PTPRD: variants seen among roughly 807,000 people sequenced by gnomAD.
PTPRD encodes the protein receptor-type tyrosine-protein phosphatase delta.
PTPRD carries 34 observed loss-of-function variants against 214.5 expected under a neutral mutation model. That is an observed-to-expected ratio of 0.16 (90% confidence interval 0.12 to 0.21). The LOEUF (loss-of-function observed/expected upper bound fraction) is 0.21. Ranked by LOEUF, PTPRD falls within the 10% of genes least tolerant of loss-of-function variation. The pLI, the probability that PTPRD is intolerant of heterozygous loss-of-function variation, is 1.00. For synonymous variants in PTPRD, 1,128 were observed against 845.7 expected, an observed-to-expected ratio of 1.33 and a Z score of -5.79; for missense variants, 2,545 against 2,398.7, an observed-to-expected ratio of 1.06 and a Z score of -1.27.
chr9:10,511,569 A>ATTTT (rs66768632), intron 2 of PTPRD, among the ~76,000 whole-genome samples: 3 of 127,858 alleles, frequency 2.3e-5, no homozygotes, highest in African/African-American at 6.2e-5. Context: ...ACACCCTGGT[A>ATTTT]TTTTTTTTTT....
intron 8 of PTPRD, among the ~76,000 whole-genome samples, chr9:9,461,813 A>G (rs79065901): frequency 0.017 from 2,542 of 152,224 alleles, 57 homozygotes; most frequent in African/African-American, 0.057. Context: ...TGCAGAGAAT[A>G]GAATCTATGA....
At chr9:9,507,440 T>C (rs751298290) in intron 8 of PTPRD, among the ~76,000 whole-genome samples, 3 of 150,966 alleles carry the variant, frequency 2.0e-5, no homozygotes, top group Non-Finnish European at 3.0e-5. Context: ...AATATAATGG[T>C]TTTCTTAGAG....
chr9:10,013,084 T>TTAATTTGTG (rs1392817861), intron 4 of PTPRD, among the ~76,000 whole-genome samples: 1 of 151,946 alleles, frequency 6.6e-6, no homozygotes, highest in Non-Finnish European at 1.5e-5. Context: ...TGAACTTCAA[T>TTAATTTGTG]TACACAAATT....
chr9:8,460,601 T>A, intron 32 of PTPRD, 30 bp from the exon 33 acceptor site: 1 of 1,594,028 alleles, frequency 6.3e-7, no homozygotes. Flanking sequence ...ATTTCAGTTA[T>A]AAAATAATGA....
intron 8 of PTPRD, among the ~76,000 whole-genome samples, chr9:9,469,339 C>T (rs980176195): frequency 1.8e-4 from 27 of 152,138 alleles, no homozygotes; most frequent in African/African-American, 6.3e-4. Flanking sequence ...AAACTGTTGT[C>T]TTCTAGGAGC....
At chr9:9,260,519 T>C (rs1036642567) in intron 9 of PTPRD, among the ~76,000 whole-genome samples, 24 of 151,888 alleles carry the variant, frequency 1.6e-4, no homozygotes, top group Non-Finnish European at 1.0e-4. Flanking sequence ...AGGCTAGTTT[T>C]TCTCTCCTCC....
At chr9:9,852,046 T>C (rs774944308) in intron 5 of PTPRD, among the ~76,000 whole-genome samples, 4 of 152,174 alleles carry the variant, frequency 2.6e-5, no homozygotes, top group Admixed American at 2.0e-4. Context: ...TATATAACTC[T>C]TCTCATCTGC....
intron 39 of PTPRD, among the ~76,000 whole-genome samples, chr9:8,359,057 G>C (rs1304828590): frequency 8.0e-6 from 1 of 125,724 alleles, no homozygotes; most frequent in African/African-American, 3.0e-5. Context: ...GCAGTGAGCC[G>C]AGATTGCACC....
At chr9:9,854,650 T>G (rs2061202295) in intron 5 of PTPRD, among the ~76,000 whole-genome samples, 1 of 152,184 alleles carries the variant, frequency 6.6e-6, no homozygotes, top group African/African-American at 2.4e-5. Context: ...CACCATATTT[T>G]TACTTGTTTT....
intron 2 of PTPRD, among the ~76,000 whole-genome samples, chr9:10,388,480 CAAAAA>C (rs5896391): frequency 1.5e-5 from 2 of 134,768 alleles, no homozygotes. Context: ...GGATAATTAG[CAAAAA>C]AAAAAAAAAA....
chr9:8,885,225 A>T (rs1273863624), intron 11 of PTPRD, among the ~76,000 whole-genome samples: 1 of 152,048 alleles, frequency 6.6e-6, no homozygotes, highest in Non-Finnish European at 1.5e-5. Context: ...TCTGCAGTAA[A>T]ACTCTGCGAG....
At chr9:9,432,114 G>C (rs1488036821) in intron 8 of PTPRD, among the ~76,000 whole-genome samples, 1 of 149,156 alleles carries the variant, frequency 6.7e-6, no homozygotes, top group Non-Finnish European at 1.5e-5. Context: ...ACAAAGAAAG[G>C]GCACGCAATA....
At chr9:8,810,945 C>T (rs1426746415) in intron 11 of PTPRD, among the ~76,000 whole-genome samples, 1 of 152,170 alleles carries the variant, frequency 6.6e-6, no homozygotes, top group African/African-American at 2.4e-5. Flanking sequence ...AATTCCACTA[C>T]ACTTTCCAAC....
rs140002008 is a variant in PTPRD, at chr9:10,374,965, T to A, written c.-599-33948A>T. Among the ~76,000 whole-genome samples the A allele has an allele frequency of 2.3e-4, 35 of 152,194 alleles. 1 individual carries two copies. The East Asian group carries it at 6.8e-3, about 29-fold the overall frequency. On this transcript the variant is annotated intron_variant, in intron 2 of 45. Coordinates refer to ENST00000381196, the MANE Select transcript of PTPRD (RefSeq NM_002839.4). ...AGCAGCATGGGATATTTATTTCATA[T>A]AATTGTATTGAACTATGGAAACATA...
intron 3 of PTPRD, among the ~76,000 whole-genome samples, chr9:10,137,701 T>TAAAAAAAAAA (rs76032048): frequency 6.9e-5 from 5 of 71,994 alleles, no homozygotes; most frequent in African/African-American, 1.3e-4. Context: ...TAGAGTATAA[T>TAAAAAAAAAA]AAAAAAAAAA....
chr9:10,214,703 A>G (rs2099533380), intron 3 of PTPRD, among the ~76,000 whole-genome samples: 3 of 152,134 alleles, frequency 2.0e-5, no homozygotes, highest in African/African-American at 7.2e-5. Context: ...CCAGCATTTT[A>G]TGAAGAATCA....
At position 10,152,472 on chromosome 9, in the gene PTPRD, T is replaced by G. The variant is rs140937451; in HGVS notation, c.-544-118682A>C. Reference sequence around the variant, plus strand: ...TCTTAGTTTTATCGTCATATTCTCTTAAAACGTCTTTGAAAAATTTTGCAT... The same window carrying G: ...TCTTAGTTTTATCGTCATATTCTCTGAAAACGTCTTTGAAAAATTTTGCAT... On this transcript the variant is annotated intron_variant, in intron 3 of 45. Coordinates refer to ENST00000381196, the MANE Select transcript of PTPRD (RefSeq NM_002839.4). Among the ~76,000 whole-genome samples the G allele has an allele frequency of 3.2e-3, 488 of 152,282 alleles. 3 individuals carry two copies. Among genetic ancestry groups the G allele is most frequent in the Admixed American group, 5.8e-3 (89 of 15,280 alleles).
chr9:8,504,160 A>G, intron 23 of PTPRD, 101 bp downstream of exon 23: 2 of 1,186,878 alleles, frequency 1.7e-6, no homozygotes, highest in Non-Finnish European at 2.5e-6. Flanking sequence ...GAGACTAACT[A>G]TTAAGCATAT....
chr9:10,038,510 C>G (rs1450516621), intron 3 of PTPRD, among the ~76,000 whole-genome samples: 2 of 152,048 alleles, frequency 1.3e-5, no homozygotes, highest in Admixed American at 1.3e-4. Flanking sequence ...TCTTACACTT[C>G]TGATATCTTA....
Sources: gnomAD v4.1 joint callset for allele counts (sites outside exome capture counted in the v4.1 genomes callset) on GRCh38, gnomAD v4.1.1 for gene constraint, MANE v1.5 for transcripts, NCBI Gene and HGNC (gene_info 2026-07-23, HGNC 2026-07-21) for gene names.